Variants in KIRREL1 observed in about 807,000 individuals in gnomAD.
KIRREL1 encodes kirre like nephrin family adhesion molecule 1.
A neutral mutation model predicts 83.3 loss-of-function variants in KIRREL1; 25 were observed. The observed-to-expected ratio is 0.30, with a 90% confidence interval of 0.22 to 0.42. The LOEUF (loss-of-function observed/expected upper bound fraction) is 0.42. KIRREL1 is among the 10% of genes least tolerant of loss of function. KIRREL1 has a pLI of 1.00. For synonymous variants in KIRREL1, 388 were observed against 410.4 expected, an observed-to-expected ratio of 0.95 and a Z score of 0.66; for missense variants, 812 against 1,032.3, an observed-to-expected ratio of 0.79 and a Z score of 2.92.
chr1:158,051,134 G>A (rs890558520), intron 1 of KIRREL1, among the ~76,000 whole-genome samples: 16 of 152,222 alleles, frequency 1.1e-4, no homozygotes, highest in African/African-American at 3.9e-4. Context: ...TGGACGTGGT[G>A]CATGGAGGCC....
At chr1:158,019,910 G>A (rs1659952849) in intron 1 of KIRREL1, among the ~76,000 whole-genome samples, 3 of 152,164 alleles carry the variant, frequency 2.0e-5, no homozygotes, top group Non-Finnish European at 4.4e-5. Flanking sequence ...GGGAATCCCA[G>A]AGAAATTAGT....
intron 7 of KIRREL1, 66 bp from the exon 8 acceptor site, chr1:158,088,261 G>A: frequency 6.2e-7 from 1 of 1,601,850 alleles, no homozygotes; most frequent in Non-Finnish European, 8.5e-7. Context: ...AGGGCAGGAG[G>A]AAGATTGATT....
intron 10 of KIRREL1, 117 bp from the exon 11 acceptor site, chr1:158,091,241 T>A: frequency 1.1e-6 from 1 of 889,700 alleles, no homozygotes; most frequent in Admixed American, 2.5e-5. Flanking sequence ...GCTGGGCTTG[T>A]GGGGCACACA....
chr1:158,030,058 G>A (rs966126683), intron 1 of KIRREL1, among the ~76,000 whole-genome samples: 2 of 152,150 alleles, frequency 1.3e-5, no homozygotes, highest in Non-Finnish European at 2.9e-5. Flanking sequence ...GCAGGTCAGG[G>A]TTTTTGATTT....
chr1:158,034,647 T>G (rs148980268), intron 1 of KIRREL1, among the ~76,000 whole-genome samples: 1,975 of 152,338 alleles, frequency 0.013, 48 homozygotes, highest in African/African-American at 0.045. Flanking sequence ...TTTTTGTGGC[T>G]GAAGAAGTTA....
At position 158,058,520 on chromosome 1, in the gene KIRREL1, C is replaced by G. The variant is rs991597138; in HGVS notation, c.53-17593C>G. On this transcript the variant is annotated intron_variant, in intron 1 of 14. Coordinates refer to ENST00000359209, the MANE Select transcript of KIRREL1 (RefSeq NM_018240.7). ...TTTTCCACCCCCTCCCTCAAAGTGACCCCCATGGATGTTGGCAGCCAGCCA... is the reference window on the plus strand; with the variant it reads ...TTTTCCACCCCCTCCCTCAAAGTGAGCCCCATGGATGTTGGCAGCCAGCCA... Among the ~76,000 whole-genome samples the G allele has an allele frequency of 5.9e-4, 90 of 152,144 alleles. 1 individual carries two copies. The highest frequency in any genetic ancestry group is 2.1e-4 in the Non-Finnish European group (14 of 68,026).
chr1:158,080,718 A>G (rs1010151913), intron 3 of KIRREL1, among the ~76,000 whole-genome samples: 12 of 152,178 alleles, frequency 7.9e-5, no homozygotes, highest in Non-Finnish European at 2.9e-5. Context: ...TGGCAGCAAC[A>G]TGTGACCTTA....
chr1:158,051,491 C>T (rs550762501), intron 1 of KIRREL1, among the ~76,000 whole-genome samples: 5 of 152,318 alleles, frequency 3.3e-5, no homozygotes, highest in South Asian at 2.1e-4. Flanking sequence ...ATTTAGTCAA[C>T]ACTACCAGTA....
chr1:158,063,324 C>T (rs959425733), intron 1 of KIRREL1, among the ~76,000 whole-genome samples: 19 of 152,150 alleles, frequency 1.2e-4, no homozygotes, highest in South Asian at 6.2e-4. Context: ...CAACAAACAT[C>T]AATTAAGATA....
At chr1:158,090,413 T>C (rs757160484) in intron 10 of KIRREL1, among the ~76,000 whole-genome samples, 6 of 152,194 alleles carry the variant, frequency 3.9e-5, no homozygotes, top group Non-Finnish European at 5.9e-5. Flanking sequence ...CATTAATTCC[T>C]TCCGTGACTA....
intron 1 of KIRREL1, among the ~76,000 whole-genome samples, chr1:158,066,337 T>C (rs1661357410): frequency 6.6e-6 from 1 of 152,228 alleles, no homozygotes; most frequent in Admixed American, 6.5e-5. Context: ...TCCTGTCCTC[T>C]GTTTCTTTCA....
chr1:157,997,070 C>T (rs1659226228), intron 1 of KIRREL1, among the ~76,000 whole-genome samples: 1 of 152,204 alleles, frequency 6.6e-6, no homozygotes, highest in African/African-American at 2.4e-5. Flanking sequence ...TTTCTTTTAT[C>T]CTATAGTTTC....
intron 3 of KIRREL1, among the ~76,000 whole-genome samples, chr1:158,082,280 G>A (rs555309934): frequency 2.5e-4 from 38 of 152,118 alleles, no homozygotes; most frequent in African/African-American, 7.7e-4. Context: ...ACCTTCATGA[G>A]GCTCTAGTGA....
At chr1:158,088,630 G>A (rs981502185) in intron 8 of KIRREL1, among the ~76,000 whole-genome samples, 176 bp downstream of exon 8, 13 of 151,210 alleles carry the variant, frequency 8.6e-5, no homozygotes, top group African/African-American at 2.9e-4. Flanking sequence ...GACTACAGGC[G>A]CCCGCTACCA....
At chr1:158,032,158 A>C (rs1571552259) in intron 1 of KIRREL1, among the ~76,000 whole-genome samples, 1 of 152,298 alleles carries the variant, frequency 6.6e-6, no homozygotes, top group East Asian at 1.9e-4. Flanking sequence ...ATTAAGTATT[A>C]AGAATTTAAT....
At chr1:158,090,158 ACT>A (rs1242306472) in intron 10 of KIRREL1, among the ~76,000 whole-genome samples, 8 of 149,882 alleles carry the variant, frequency 5.3e-5, no homozygotes, top group Non-Finnish European at 1.2e-4. Flanking sequence ...TTAGTTCCCC[ACT>A]CTCTCCCCTG....
chr1:158,027,812 A>T, intron 1 of KIRREL1, among the ~76,000 whole-genome samples: 1 of 152,182 alleles, frequency 6.6e-6, no homozygotes, highest in South Asian at 2.1e-4. Context: ...GTAGATGTTA[A>T]ATTGCCTTGT....
At chr1:158,033,999 C>T (rs1451096326) in intron 1 of KIRREL1, among the ~76,000 whole-genome samples, 1 of 151,532 alleles carries the variant, frequency 6.6e-6, no homozygotes, top group Non-Finnish European at 1.5e-5. Context: ...GAAGGCTGGG[C>T]GCGGTGGCTC....
intron 1 of KIRREL1, among the ~76,000 whole-genome samples, chr1:158,016,079 G>A (rs1015101793): frequency 3.3e-5 from 5 of 152,174 alleles, no homozygotes; most frequent in African/African-American, 1.2e-4. Flanking sequence ...GCTGAGGTGG[G>A]TGGATCACAA....
Sources: gnomAD v4.1 joint callset for allele counts (sites outside exome capture counted in the v4.1 genomes callset) on GRCh38, gnomAD v4.1.1 for gene constraint, MANE v1.5 for transcripts, NCBI Gene and HGNC (gene_info 2026-07-23, HGNC 2026-07-21) for gene names.